ABHD17B: variants seen among roughly 807,000 people sequenced by gnomAD.
ABHD17B encodes abhydrolase domain containing 17B, depalmitoylase, also known as alpha/beta hydrolase domain-containing protein 17B.
ABHD17B carries 9 observed loss-of-function variants against 26.2 expected under a neutral mutation model. That is an observed-to-expected ratio of 0.34 (90% CI 0.21 to 0.60). The LOEUF is 0.60. Ranked by LOEUF, ABHD17B falls within the 20% of genes least tolerant of loss-of-function variation. The pLI, the probability that ABHD17B is intolerant of heterozygous loss-of-function variation, is 0.80. For synonymous variants in ABHD17B, 127 were observed against 122.3 expected, an observed-to-expected ratio of 1.04 and a Z score of -0.25; for missense variants, 224 against 352.1, an observed-to-expected ratio of 0.64 and a Z score of 2.91.
chr9:71,910,326 T>TA (rs371030751), intron 1 of ABHD17B, among the ~76,000 whole-genome samples: 3 of 152,236 alleles, frequency 2.0e-5, no homozygotes, highest in Middle Eastern at 3.4e-3. Context: ...AAGACCTTCT[T>TA]AGAGTGTCGG....
chr9:71,895,351 T>G (rs958710112), intron 1 of ABHD17B, among the ~76,000 whole-genome samples: 3 of 152,204 alleles, frequency 2.0e-5, no homozygotes, highest in African/African-American at 7.2e-5. Context: ...TTCTTAGACC[T>G]GGAAGCCAAG....
intron 1 of ABHD17B, among the ~76,000 whole-genome samples, chr9:71,886,605 C>T (rs181010784): frequency 3.6e-3 from 543 of 152,180 alleles, no homozygotes; most frequent in African/African-American, 0.012. Flanking sequence ...CTGCACCCTC[C>T]GCCTCCCAGG....
Position 71,899,483 on chromosome 9 carries a change from G to T in ABHD17B, c.-4+11151C>A, listed in dbSNP as rs377018054. ...TGGTTTGCTCACCCTTACAAATGTTGCACATCAGGTTACTAAATGGTCTTG... is the reference window on the plus strand; with the variant it reads ...TGGTTTGCTCACCCTTACAAATGTTTCACATCAGGTTACTAAATGGTCTTG... On this transcript the variant is annotated intron_variant, in intron 1 of 3. Transcript: ENST00000333421. Among the ~76,000 whole-genome samples, 143 of 152,282 alleles carry T rather than the reference G, an allele frequency of 9.4e-4. 1 individual carries two copies. Among genetic ancestry groups the T allele is most frequent in the African/African-American group, 2.7e-3 (113 of 41,550 alleles).
At chr9:71,890,217 G>A (rs761488425) in intron 1 of ABHD17B, among the ~76,000 whole-genome samples, 6 of 152,156 alleles carry the variant, frequency 3.9e-5, no homozygotes, top group East Asian at 1.9e-4. Context: ...TTGAGCCCAG[G>A]AGACAGAGGT....
intron 3 of ABHD17B, among the ~76,000 whole-genome samples, chr9:71,867,636 AG>A (rs1454018799): frequency 6.6e-6 from 1 of 152,144 alleles, no homozygotes; most frequent in East Asian, 1.9e-4. Context: ...ATGGTGATGA[AG>A]GGGGTGATTG....
chr9:71,875,227 C>CT (rs1826231590), intron 1 of ABHD17B, 144 bp from the exon 2 acceptor site: 3 of 522,836 alleles, frequency 5.7e-6, no homozygotes, highest in African/African-American at 3.5e-5. Flanking sequence ...AGATTTTTGG[C>CT]TTCTTTTTTT....
At chr9:71,908,551 T>C (rs1361291449) in intron 1 of ABHD17B, among the ~76,000 whole-genome samples, 2 of 152,064 alleles carry the variant, frequency 1.3e-5, no homozygotes, top group Admixed American at 1.3e-4. Context: ...TTTGGATAAA[T>C]CAGAAGTAAA....
At chr9:71,876,196 A>C (rs553050356) in intron 1 of ABHD17B, among the ~76,000 whole-genome samples, 1 of 152,346 alleles carries the variant, frequency 6.6e-6, no homozygotes, top group South Asian at 2.1e-4. Context: ...AAATGTTTGG[A>C]AGAGAAAGAG....
At chr9:71,871,770 C>T (rs1212022222) in intron 2 of ABHD17B, among the ~76,000 whole-genome samples, 1 of 152,166 alleles carries the variant, frequency 6.6e-6, no homozygotes, top group Non-Finnish European at 1.5e-5. Flanking sequence ...TAGATGACAG[C>T]TCTATAATTA....
intron 1 of ABHD17B, among the ~76,000 whole-genome samples, chr9:71,903,643 G>C (rs1186570915): frequency 6.6e-6 from 1 of 152,150 alleles, no homozygotes; most frequent in Non-Finnish European, 1.5e-5. Flanking sequence ...CAATAAATCT[G>C]CATGAGATGA....
In ABHD17B at chr9:71,866,470, G is replaced by A. The variant is rs1825958384; in HGVS notation, c.*317C>T. 1.9e-6 allele frequency: 2 copies of A among 1,036,184 alleles called. No individual in the cohort carries two copies. The highest frequency in any genetic ancestry group is 4.9e-5 in the Admixed American group (1 of 20,496). 64.2% of individuals were successfully genotyped at this position (1,036,184 alleles called of 1,614,324 possible). On this transcript the variant is annotated 3_prime_UTR_variant, in exon 4 of 4. Transcript: ENST00000333421. ...AAAAATATTTATAAATTTGTTTCTAGTATGCAAAAGCATTTGGCAATACTT... is the reference window on the plus strand; with the variant it reads ...AAAAATATTTATAAATTTGTTTCTAATATGCAAAAGCATTTGGCAATACTT...
chr9:71,893,301 G>A (rs913681125), intron 1 of ABHD17B, among the ~76,000 whole-genome samples: 1 of 152,142 alleles, frequency 6.6e-6, no homozygotes, highest in Non-Finnish European at 1.5e-5. Context: ...ACATCCCACA[G>A]GTTGAGGGCT....
chr9:71,879,137 C>T (rs1268230785), intron 1 of ABHD17B, among the ~76,000 whole-genome samples: 1 of 152,166 alleles, frequency 6.6e-6, no homozygotes, highest in East Asian at 1.9e-4. Context: ...GCCTGGGCTA[C>T]AGAGTGAGAG....
intron 1 of ABHD17B, among the ~76,000 whole-genome samples, chr9:71,885,027 C>T (rs775875562): frequency 9.9e-5 from 15 of 152,050 alleles, no homozygotes; most frequent in Non-Finnish European, 1.9e-4. Flanking sequence ...ATCTATGAAC[C>T]TAAGTGGGGG....
intron 1 of ABHD17B, among the ~76,000 whole-genome samples, chr9:71,880,657 CATTAA>C (rs972512342): frequency 6.6e-6 from 1 of 151,780 alleles, no homozygotes; most frequent in African/African-American, 2.4e-5. Flanking sequence ...TGTTAGCTAG[CATTAA>C]ACAACTAAAA....
chr9:71,893,035 T>C (rs1826839260), intron 1 of ABHD17B, among the ~76,000 whole-genome samples: 1 of 152,230 alleles, frequency 6.6e-6, no homozygotes, highest in Non-Finnish European at 1.5e-5. Flanking sequence ...ACAATATTTG[T>C]CCTTTTGTGA....
chr9:71,908,040 T>G (rs1827337287), intron 1 of ABHD17B, among the ~76,000 whole-genome samples: 2 of 152,214 alleles, frequency 1.3e-5, no homozygotes, highest in African/African-American at 4.8e-5. Flanking sequence ...TCTTACTAAT[T>G]GCTTAGCTTT....
chr9:71,876,490 T>G (rs913830471), intron 1 of ABHD17B, among the ~76,000 whole-genome samples: 1 of 152,170 alleles, frequency 6.6e-6, no homozygotes, highest in African/African-American at 2.4e-5. Context: ...TCCTTCTATC[T>G]TGTCCTTTTT....
At chr9:71,871,460 T>C (rs1826111492) in intron 2 of ABHD17B, among the ~76,000 whole-genome samples, 1 of 152,196 alleles carries the variant, frequency 6.6e-6, no homozygotes, top group Non-Finnish European at 1.5e-5. Flanking sequence ...ACAGACCTAG[T>C]TGCACATATT....
Sources: gnomAD v4.1 joint callset for allele counts (sites outside exome capture counted in the v4.1 genomes callset) on GRCh38, gnomAD v4.1.1 for gene constraint, MANE v1.5 for transcripts, NCBI Gene and HGNC (gene_info 2026-07-23, HGNC 2026-07-21) for gene names.